C18orf63: variants seen among roughly 807,000 people sequenced by gnomAD.
The protein encoded by C18orf63 is uncharacterized protein C18orf63.
In C18orf63, 50 loss-of-function variants were observed where a neutral mutation model predicts 75.3. The observed-to-expected ratio is 0.66, with a 90% CI of 0.53 to 0.84. The LOEUF (loss-of-function observed/expected upper bound fraction) is 0.84. Ranked by LOEUF, C18orf63 falls within the 40% of genes least tolerant of loss-of-function variation. The pLI, the probability that C18orf63 is intolerant of heterozygous loss-of-function variation, is 0.00. For synonymous variants in C18orf63, 232 were observed against 267.6 expected (o/e 0.87, Z 1.30); for missense variants, 732 against 800.2 (o/e 0.91, Z 1.03).
chr18:74,332,254 G>A (rs1350464061), intron 7 of C18orf63, among the ~76,000 whole-genome samples: 1 of 152,106 alleles, frequency 6.6e-6, no homozygotes, highest in African/African-American at 2.4e-5. Flanking sequence ...ATAGCAAGAG[G>A]GCAGGGTGTG....
chr18:74,336,492 T>C (rs909976979), intron 7 of C18orf63, among the ~76,000 whole-genome samples: 3 of 152,100 alleles, frequency 2.0e-5, no homozygotes, highest in Non-Finnish European at 2.9e-5. Flanking sequence ...TATCTGAAAC[T>C]GATTTTTCTA....
At chr18:74,317,552 G>A (rs753876888) in intron 1 of C18orf63, among the ~76,000 whole-genome samples, 1 of 152,182 alleles carries the variant, frequency 6.6e-6, no homozygotes, top group South Asian at 2.1e-4. Context: ...AATGATGGTT[G>A]CACAACTCTG....
intron 7 of C18orf63, among the ~76,000 whole-genome samples, chr18:74,331,569 T>A (rs1195563565): frequency 6.6e-6 from 1 of 152,134 alleles, no homozygotes; most frequent in East Asian, 1.9e-4. Context: ...ATTTTGGTTA[T>A]CACAGTGGAG....
intron 7 of C18orf63, among the ~76,000 whole-genome samples, 192 bp from the exon 8 acceptor site, chr18:74,338,523 G>A (rs1479107844): frequency 1.3e-5 from 2 of 152,082 alleles, no homozygotes; most frequent in African/African-American, 4.8e-5. Flanking sequence ...TTCATATATT[G>A]TATAAAGGAG....
chr18:74,353,871 G>A lies in C18orf63; in HGVS notation c.1604G>A (p.Ser535Asn). Residue 535 changes from serine (S) to asparagine (N), a missense_variant, in exon 12 of 14, where the codon AGT becomes AAT. Physicochemically the swap from Ser to Asn is conservative, Grantham distance 46. Coordinates refer to ENST00000579455, the MANE Select transcript of C18orf63 (RefSeq NM_001174123.2). ...FPSSRGKSTVSLNKNKQLSNS... is the reference protein window; with the variant it reads ...FPSSRGKSTVNLNKNKQLSNS... ...TCTTCTCGTGGAAAATCGACTGTGA[G>A]TTTAAACAAAAATAAGCAACTATCT... 6.5e-7 allele frequency: 1 copy of A among 1,535,982 alleles called. No individual in the cohort carries two copies. The highest frequency in any genetic ancestry group is 1.2e-5 in the South Asian group (1 of 84,060).
At chr18:74,342,819 C>T (rs1226372283) in intron 10 of C18orf63, among the ~76,000 whole-genome samples, 4 of 152,014 alleles carry the variant, frequency 2.6e-5, no homozygotes, top group South Asian at 2.1e-4. Context: ...TTTTTAAAAT[C>T]GAAATATACA....
At chr18:74,343,028 T>C (rs1191000542) in intron 10 of C18orf63, among the ~76,000 whole-genome samples, 1 of 152,180 alleles carries the variant, frequency 6.6e-6, no homozygotes, top group African/African-American at 2.4e-5. Flanking sequence ...TTTTATTTCA[T>C]TAGATGCCAA....
chr18:74,352,040 A>G (rs918420834), intron 11 of C18orf63, among the ~76,000 whole-genome samples: 3 of 152,190 alleles, frequency 2.0e-5, no homozygotes, highest in Non-Finnish European at 2.9e-5. Flanking sequence ...AATATGCTAT[A>G]TAAGTACAGT....
chr18:74,329,498 T>C (rs547174748), intron 6 of C18orf63, among the ~76,000 whole-genome samples: 4 of 152,092 alleles, frequency 2.6e-5, no homozygotes, highest in Non-Finnish European at 5.9e-5. Flanking sequence ...GGGAAATCAC[T>C]TCTTATTCAA....
chr18:74,348,142 C>T (rs942965792), intron 11 of C18orf63, among the ~76,000 whole-genome samples: 1 of 152,058 alleles, frequency 6.6e-6, no homozygotes, highest in African/African-American at 2.4e-5. Flanking sequence ...AAAAAGTCCA[C>T]ATAATTTTAT....
chr18:74,344,296 C>T (rs1427777298), intron 11 of C18orf63, among the ~76,000 whole-genome samples: 5 of 152,126 alleles, frequency 3.3e-5, no homozygotes, highest in Admixed American at 2.6e-4. Context: ...AACTTGAAAT[C>T]AGATTCACGG....
intron 6 of C18orf63, 130 bp downstream of exon 6, chr18:74,329,166 ATTGT>A (rs112987770): frequency 1.3e-4 from 76 of 583,540 alleles, no homozygotes; most frequent in African/African-American, 1.3e-3. Flanking sequence ...AGGTAGGTAG[ATTGT>A]TTGAGCCCAC....
At chr18:74,329,073 A>G (rs1363303025) in intron 6 of C18orf63, 37 bp downstream of exon 6, 3 of 1,285,044 alleles carry the variant, frequency 2.3e-6, no homozygotes, top group African/African-American at 1.5e-5. Context: ...ATAAAACAAT[A>G]TAATTCATAG....
chr18:74,343,828 G>A, intron 11 of C18orf63, 126 bp downstream of exon 11: 1 of 456,750 alleles, frequency 2.2e-6, no homozygotes, highest in Non-Finnish European at 3.7e-6. Flanking sequence ...TCAGTTCAAT[G>A]CTTCCCTAAA....
intron 11 of C18orf63, among the ~76,000 whole-genome samples, chr18:74,346,532 A>G (rs1379070852): frequency 6.6e-6 from 1 of 152,230 alleles, no homozygotes; most frequent in Non-Finnish European, 1.5e-5. Context: ...ACAAATGCCC[A>G]TTGACATCTT....
At chr18:74,340,684 A>G (rs1984465532) in intron 8 of C18orf63, among the ~76,000 whole-genome samples, 1 of 152,058 alleles carries the variant, frequency 6.6e-6, no homozygotes, top group Admixed American at 6.5e-5. Context: ...TTAAAAGAGA[A>G]GGAAATCCTG....
intron 3 of C18orf63, 90 bp from the exon 4 acceptor site, chr18:74,322,608 C>A: frequency 7.6e-6 from 3 of 394,240 alleles, no homozygotes; most frequent in Non-Finnish European, 1.3e-5. Context: ...TCTTTGCCCT[C>A]TGTAGAATAA....
chr18:74,337,189 T>C (rs1487978712), intron 7 of C18orf63, among the ~76,000 whole-genome samples: 1 of 152,144 alleles, frequency 6.6e-6, no homozygotes, highest in Non-Finnish European at 1.5e-5. Flanking sequence ...ATTGAATACC[T>C]GCTTTTCAGT....
intron 13 of C18orf63, 145 bp from the exon 14 acceptor site, chr18:74,356,336 T>C (rs1239105613): frequency 6.6e-6 from 1 of 152,358 alleles, no homozygotes; most frequent in African/African-American, 2.4e-5. Context: ...TGTCCACGTG[T>C]ATATATTATT....
Sources: gnomAD v4.1 joint callset for allele counts (sites outside exome capture counted in the v4.1 genomes callset) on GRCh38, gnomAD v4.1.1 for gene constraint, MANE v1.5 for transcripts, NCBI Gene and HGNC (gene_info 2026-07-23, HGNC 2026-07-21) for gene names.